The following PLXNC1 variants were observed in gnomAD, a reference collection of about 807,000 sequenced individuals.
PLXNC1 encodes plexin-C1.
Under a neutral mutation model 178.2 loss-of-function variants are expected in PLXNC1, and 75 were observed. That is an observed-to-expected ratio of 0.42 (90% CI 0.35 to 0.51). The LOEUF (loss-of-function observed/expected upper bound fraction) is 0.51. Ranked by LOEUF, PLXNC1 falls within the 20% of genes least tolerant of loss-of-function variation. The probability of loss-of-function intolerance (pLI) is 0.02; values close to 1 mark genes in which losing one functional copy is unlikely to be tolerated. For missense variants in PLXNC1, 1,503 were observed against 1,984.4 expected (o/e 0.76, Z 4.61); for synonymous variants, 790 against 779.9 (o/e 1.01, Z -0.22).
intron 5 of PLXNC1, among the ~76,000 whole-genome samples, chr12:94,218,132 G>C (rs5005507): frequency 0.67 from 101,374 of 152,032 alleles, 34,660 homozygotes; most frequent in Middle Eastern, 0.77. Context: ...GTTGAAGATT[G>C]AGCATGAATG....
At chr12:94,188,512 T>TG (rs1962603449) in intron 4 of PLXNC1, among the ~76,000 whole-genome samples, 1 of 151,880 alleles carries the variant, frequency 6.6e-6, no homozygotes, top group African/African-American at 2.4e-5. Context: ...TTAGTAGAGA[T>TG]GGGGTTTCAC....
At chr12:94,298,257 G>A (rs1968124706) in intron 26 of PLXNC1, among the ~76,000 whole-genome samples, 1 of 152,214 alleles carries the variant, frequency 6.6e-6, no homozygotes, top group African/African-American at 2.4e-5. Context: ...TGGGAACAGA[G>A]CAGCATCACT....
chr12:94,210,187 C>T (rs1409074327), intron 5 of PLXNC1, among the ~76,000 whole-genome samples: 4 of 152,118 alleles, frequency 2.6e-5, no homozygotes, highest in African/African-American at 7.2e-5. Flanking sequence ...GTCTTGGTAG[C>T]GATGGAGAGA....
chr12:94,281,366 G>A (rs832502), intron 22 of PLXNC1, among the ~76,000 whole-genome samples: 96,203 of 151,986 alleles, frequency 0.63, 30,438 homozygotes, highest in Middle Eastern at 0.68. Flanking sequence ...ACTCAAAAAC[G>A]CAGATGCCCA....
At chr12:94,169,074 T>G in intron 1 of PLXNC1, 79 bp from the exon 2 acceptor site, 1 of 1,306,076 alleles carries the variant, frequency 7.7e-7, no homozygotes, top group Non-Finnish European at 1.1e-6. Context: ...AGGGCATGAG[T>G]GACATTTCAT....
At chr12:94,294,074 G>C (rs1458531450) in intron 23 of PLXNC1, among the ~76,000 whole-genome samples, 1 of 152,170 alleles carries the variant, frequency 6.6e-6, no homozygotes, top group Non-Finnish European at 1.5e-5. Context: ...TCAGTCCATA[G>C]CAAGTAACAA....
chr12:94,265,542 T>G (rs1466986652), intron 21 of PLXNC1, among the ~76,000 whole-genome samples: 1 of 152,228 alleles, frequency 6.6e-6, no homozygotes, highest in Non-Finnish European at 1.5e-5. Context: ...TCAGCACTTA[T>G]AATTGCAATC....
At chr12:94,228,862 C>T (rs1434139033) in intron 9 of PLXNC1, among the ~76,000 whole-genome samples, 1 of 152,198 alleles carries the variant, frequency 6.6e-6, no homozygotes, top group Admixed American at 6.5e-5. Context: ...CTACTAGGAA[C>T]GTGGGTGTGC....
chr12:94,188,988 A>T (rs1046683957), intron 4 of PLXNC1, among the ~76,000 whole-genome samples: 1 of 152,140 alleles, frequency 6.6e-6, no homozygotes, highest in Non-Finnish European at 1.5e-5. Flanking sequence ...AGAGAGAAGG[A>T]GTGGACTGGA....
At chr12:94,177,416 C>T (rs1211798599) in intron 2 of PLXNC1, among the ~76,000 whole-genome samples, 3 of 148,724 alleles carry the variant, frequency 2.0e-5, no homozygotes, top group Non-Finnish European at 4.5e-5. Flanking sequence ...GTGCAAGCCA[C>T]GCTAAGTAGC....
chr12:94,236,040 G>T (rs542224251), intron 9 of PLXNC1, among the ~76,000 whole-genome samples: 52 of 152,134 alleles, frequency 3.4e-4, no homozygotes, highest in South Asian at 1.4e-3. Context: ...TATCTTGAAG[G>T]CTTTGCTAAT....
At chr12:94,218,466 A>T (rs1244704536) in intron 5 of PLXNC1, among the ~76,000 whole-genome samples, 1 of 152,132 alleles carries the variant, frequency 6.6e-6, no homozygotes, top group Non-Finnish European at 1.5e-5. Flanking sequence ...ATGGCTCTTC[A>T]TAGGGGGTGA....
At chr12:94,283,527 G>A (rs1269265420) in intron 23 of PLXNC1, among the ~76,000 whole-genome samples, 1 of 152,188 alleles carries the variant, frequency 6.6e-6, no homozygotes, top group Non-Finnish European at 1.5e-5. Context: ...CAGGAATTGA[G>A]ATAAAGTAAT....
chr12:94,174,193 T>G (rs1038754267), intron 2 of PLXNC1, among the ~76,000 whole-genome samples: 6 of 152,148 alleles, frequency 3.9e-5, no homozygotes, highest in Non-Finnish European at 7.4e-5. Flanking sequence ...TTTATTTTTT[T>G]TTCTTTTTTG....
At chr12:94,235,996 C>T (rs1964231251) in intron 9 of PLXNC1, among the ~76,000 whole-genome samples, 2 of 152,116 alleles carry the variant, frequency 1.3e-5, no homozygotes, top group South Asian at 4.1e-4. Context: ...AAGCCTTTTG[C>T]TATATAACAC....
At chr12:94,298,118 G>C (rs1199728806) in intron 26 of PLXNC1, among the ~76,000 whole-genome samples, 1 of 152,238 alleles carries the variant, frequency 6.6e-6, no homozygotes, top group South Asian at 2.1e-4. Context: ...GCAGAGGACA[G>C]CCCAAGCCTC....
At chr12:94,232,857 T>A (rs926398838) in intron 9 of PLXNC1, among the ~76,000 whole-genome samples, 2 of 152,212 alleles carry the variant, frequency 1.3e-5, no homozygotes, top group Non-Finnish European at 2.9e-5. Context: ...AAGGAAATTT[T>A]AGCTCAGAGA....
rs756476174 is a variant in PLXNC1, at chr12:94,248,067, G to C, written c.2553G>C (p.Val851=). Residue 851 remains valine, a synonymous_variant, in exon 13 of 31, where the codon GTG becomes GTC. Transcript: ENST00000258526. ...REDPRFTGYR[V]ESEVDTELEV... is the part of the protein sequence containing the mutation. ...ACCCCAGATTCACGGGGTATCGGGT[G>C]GAATCCGAGGTGGACACAGAACTGG... is the stretch of plus-strand genomic sequence containing the variant. The C allele has an allele frequency of 6.2e-7, 1 of 1,614,070 alleles. No homozygotes were observed. The highest frequency in any genetic ancestry group is 1.7e-5 in the Admixed American group (1 of 60,022).
rs1395010882 is a variant in PLXNC1 at position 94,212,702 on chromosome 12, A to ATTTTC, written c.1554+3018_1554+3022dup. On this transcript the variant is annotated intron_variant, in intron 5 of 30. Transcript: ENST00000258526. ...GTATTCCATGGTGTATAGGTGCCAC[A>ATTTTC]TTTTCTTTTCTTTTCTTTTCTTTTT... Among the ~76,000 whole-genome samples, 195 of 145,456 alleles carry ATTTTC rather than the reference A, an allele frequency of 1.3e-3. 2 individuals carry two copies. The highest frequency in any genetic ancestry group is 0.011 in the Admixed American group (161 of 14,604).
Sources: gnomAD v4.1 joint callset for allele counts (sites outside exome capture counted in the v4.1 genomes callset) on GRCh38, gnomAD v4.1.1 for gene constraint, MANE v1.5 for transcripts, NCBI Gene and HGNC (gene_info 2026-07-23, HGNC 2026-07-21) for gene names.